GTPBP3: variants seen among roughly 807,000 people sequenced by gnomAD.
GTPBP3 encodes GTP binding protein 3, mitochondrial, also known as 5-taurinomethyluridine-[tRNA] synthase subunit GTPB3, mitochondrial.
GTPBP3 carries 35 observed loss-of-function variants against 42.0 expected under a neutral mutation model. That is an observed-to-expected ratio of 0.83 (90% CI 0.64 to 1.10). The LOEUF is 1.10. Among genes scored for constraint, GTPBP3 ranks in the 50% least tolerant of loss-of-function variants. The pLI, the probability that GTPBP3 is intolerant of heterozygous loss-of-function variation, is 0.00. For missense variants in GTPBP3, 691 were observed against 685.2 expected, an observed-to-expected ratio of 1.01 and a Z score of -0.09; for synonymous variants, 332 against 314.9, an observed-to-expected ratio of 1.05 and a Z score of -0.58.
At chr19:17,340,793 C>T (rs1438294420) in intron 7 of GTPBP3, among the ~76,000 whole-genome samples, 2 of 147,166 alleles carry the variant, frequency 1.4e-5, no homozygotes, top group Admixed American at 1.4e-4. Context: ...GCCCCGCTCC[C>T]GCACCGTGAC....
At chr19:17,336,276 G>C (rs1211641863), upstream of GTPBP3, among the ~76,000 whole-genome samples, 2 of 125,734 alleles carry the variant, frequency 1.6e-5, no homozygotes, top group African/African-American at 3.0e-5. Flanking sequence ...GGGCAACGTA[G>C]TGAGATCCCC....
chr19:17,335,023 G>C (rs1401639125), upstream of GTPBP3: 1 of 1,536,040 alleles, frequency 6.5e-7, no homozygotes, highest in South Asian at 1.2e-5. Context: ...TCTCCAACTT[G>C]TCCCCACCCA....
chr19:17,336,275 A>G (rs2074367493), upstream of GTPBP3, among the ~76,000 whole-genome samples: 1 of 143,912 alleles, frequency 6.9e-6, no homozygotes, highest in Non-Finnish European at 1.5e-5. Flanking sequence ...TGGGCAACGT[A>G]GTGAGATCCC....
rs2074389748 is a variant in GTPBP3 at position 17,338,400 on chromosome 19, T to A, written c.337T>A (p.Phe113Ile). 4 of 1,614,068 alleles carry A rather than the reference T, an allele frequency of 2.5e-6. No homozygotes were observed. The East Asian group carries it at 6.7e-5, about 27-fold the overall frequency. Reference sequence around the variant, plus strand: ...TTTCACCGGTGAGGACTGCGTGGAGTTCCACGTGCATGGAGGCCCGGCAGT... The same window carrying A: ...TTTCACCGGTGAGGACTGCGTGGAGATCCACGTGCATGGAGGCCCGGCAGT... Reference protein sequence around the residue: ...QSFTGEDCVEFHVHGGPAVVS... With the variant: ...QSFTGEDCVEIHVHGGPAVVS... Residue 113 changes from phenylalanine (F) to isoleucine (I), a missense_variant, in exon 3 of 9, where the codon TTC (phenylalanine) becomes ATC (isoleucine). Coordinates refer to ENST00000324894, the MANE Select transcript of GTPBP3 (RefSeq NM_032620.4).
At chr19:17,337,846 C>A in intron 1 of GTPBP3, 162 bp from the exon 2 acceptor site, 1 of 1,208,574 alleles carries the variant, frequency 8.3e-7, no homozygotes. Flanking sequence ...CCTCACAGTC[C>A]CTAATCCGGT....
Position 17,342,729 on chromosome 19 carries a change from C to A in GTPBP3, c.*1026C>A. 1 of 151,106 alleles carries A rather than the reference C, an allele frequency of 6.6e-6. No homozygotes were observed. 9.4% of individuals were successfully genotyped at this position (151,106 alleles called of 1,614,324 possible). On this transcript the variant is annotated 3_prime_UTR_variant, in exon 9 of 9. Transcript: ENST00000324894. ...TATAAATGGTATTGTGTTCATTGCT[C>A]TACAAATTGTCATTTCTTTTTAAAA...
intron 1 of GTPBP3, 146 bp downstream of exon 1, chr19:17,337,810 G>A: frequency 8.2e-7 from 1 of 1,222,882 alleles, no homozygotes; most frequent in Non-Finnish European, 1.1e-6. Context: ...CCTTGCGGCA[G>A]AGCCCATATC....
upstream of GTPBP3, chr19:17,335,160 G>C (rs970110364): frequency 2.0e-6 from 3 of 1,534,916 alleles, no homozygotes; most frequent in East Asian, 4.9e-5. Flanking sequence ...GGGGCGGGCC[G>C]GTTGGGGAAG....
Position 17,338,982 on chromosome 19 carries a change from A to G in GTPBP3, c.620A>G (p.Asp207Gly), listed in dbSNP as rs1248091494. The change falls in exon 5 of 9, where the codon GAT becomes GGT. Residue 207 changes from aspartate to glycine, a missense_variant. Coordinates refer to ENST00000324894, the MANE Select transcript of GTPBP3 (RefSeq NM_032620.4). ...CTGGCCCACGTGGAGGCCTATATCG[A>G]TTTCGGCGAGGATGACAACCTGGAG... ...KALAHVEAYI[D>G]FGEDDNLEEG... 6.2e-7 allele frequency: 1 copy of G among 1,612,152 alleles called. No homozygotes were observed. Among genetic ancestry groups the G allele is most frequent in the Admixed American group, 1.7e-5 (1 of 59,942 alleles).
chr19:17,339,338 T>G, intron 6 of GTPBP3, 72 bp downstream of exon 6: 1 of 1,580,274 alleles, frequency 6.3e-7, no homozygotes, highest in East Asian at 2.2e-5. Flanking sequence ...ATTGAGTTAG[T>G]TGTTCAGGTC....
intron 2 of GTPBP3, 53 bp downstream of exon 2, chr19:17,338,308 C>A: frequency 6.2e-7 from 1 of 1,606,756 alleles, no homozygotes; most frequent in Non-Finnish European, 8.5e-7. Flanking sequence ...TCAGTTTCCC[C>A]CTTCCAAGGG....
chr19:17,337,859 C>T lies in GTPBP3; in HGVS notation c.54-149C>T, dbSNP rs535513155. 5.7e-6 allele frequency: 7 copies of T among 1,233,508 alleles called. No individual in the cohort carries two copies. In the East Asian group the frequency reaches 1.5e-4, roughly 27 times the overall value. 76.4% of individuals were successfully genotyped at this position (1,233,508 alleles called of 1,614,324 possible). A position where few individuals can be genotyped will look rare whatever the true frequency, so the allele number is the denominator to read the frequency against. ...GGCCTCACAGTCCCTAATCCGGTCA[C>T]CCTTCGGCCTTCAGAACATCCAATT... is the stretch of plus-strand genomic sequence containing the variant. On this transcript the variant is annotated intron_variant, in intron 1 of 8. Coordinates refer to ENST00000324894, the MANE Select transcript of GTPBP3 (RefSeq NM_032620.4).
In GTPBP3 at chr19:17,339,196, C is replaced by T. The variant is rs377346963; in HGVS notation, c.738C>T (p.Leu246=). 3.1e-5 allele frequency: 50 copies of T among 1,613,512 alleles called. No individual in the cohort carries two copies. Among genetic ancestry groups the T allele is most frequent in the Non-Finnish European group, 3.8e-5 (45 of 1,180,010 alleles). ...GAGATGCCAGGCGCGGGCAGAGGCT[C>T]CGCTCAGGGGTGCACGTAGTGGTCA... ...HLRDARRGQR[L]RSGVHVVVTG... The change falls in exon 6 of 9, where the codon CTC becomes CTT. Residue 246 remains leucine, a synonymous_variant. Coordinates refer to ENST00000324894, the MANE Select transcript of GTPBP3 (RefSeq NM_032620.4).
At chr19:17,335,123 G>C, upstream of GTPBP3, 1 of 1,535,492 alleles carries the variant, frequency 6.5e-7, no homozygotes, top group Admixed American at 2.0e-5. Context: ...TGAGATGGGC[G>C]TAAGTTGACT....
chr19:17,340,945 C>A, intron 7 of GTPBP3, 99 bp from the exon 8 acceptor site: 1 of 1,370,028 alleles, frequency 7.3e-7, no homozygotes, highest in Non-Finnish European at 1.0e-6. Context: ...CGCTTCGCAG[C>A]TCCCCCAGTG....
chr19:17,339,976 C>CT (rs1206412814), intron 7 of GTPBP3, among the ~76,000 whole-genome samples: 2 of 148,840 alleles, frequency 1.3e-5, no homozygotes, highest in African/African-American at 5.0e-5. Context: ...AGGTTGGTCT[C>CT]TAACTCCTGA....
Position 17,339,232 on chromosome 19 carries a change from C to A in GTPBP3, c.774C>A (p.Pro258=). The A allele has an allele frequency of 6.2e-7, 1 of 1,610,886 alleles. No homozygotes were observed. Among genetic ancestry groups the A allele is most frequent in the South Asian group, 1.1e-5 (1 of 90,998 alleles). The change falls in exon 6 of 9, where the codon CCC becomes CCA. Residue 258 remains proline, a synonymous_variant. Coordinates refer to ENST00000324894, the MANE Select transcript of GTPBP3 (RefSeq NM_032620.4). ...TGCACGTAGTGGTCACTGGACCCCC[C>A]AATGCGGGCAAGAGCAGCCTAGTGA... ...SGVHVVVTGP[P]NAGKSSLVNL... is the part of the protein sequence containing the mutation.
intron 7 of GTPBP3, 138 bp downstream of exon 7, chr19:17,339,737 T>TA: frequency 3.7e-5 from 26 of 695,610 alleles, no homozygotes; most frequent in Non-Finnish European, 5.1e-5. Flanking sequence ...GGGATTTGGT[T>TA]CTTTTTTTTT....
At chr19:17,340,839 C>G in intron 7 of GTPBP3, 38 of 399,734 alleles carry the variant, frequency 9.5e-5, no homozygotes, top group Middle Eastern at 8.1e-4. Context: ...CTGCACTGTG[C>G]CCCGCCCCTC....
Sources: gnomAD v4.1 joint callset for allele counts (sites outside exome capture counted in the v4.1 genomes callset) on GRCh38, gnomAD v4.1.1 for gene constraint, MANE v1.5 for transcripts, NCBI Gene and HGNC (gene_info 2026-07-23, HGNC 2026-07-21) for gene names.